PRKG1: variants seen among roughly 807,000 people sequenced by gnomAD.
PRKG1 encodes the protein cGMP-dependent protein kinase 1.
PRKG1 carries 35 observed loss-of-function variants against 88.1 expected under a neutral mutation model. The observed-to-expected ratio is 0.40, with a 90% CI of 0.30 to 0.53. The LOEUF is 0.53. Ranked by LOEUF, PRKG1 falls within the 20% of genes least tolerant of loss-of-function variation. The pLI, the probability that PRKG1 is intolerant of heterozygous loss-of-function variation, is 0.59. For synonymous variants in PRKG1, 303 were observed against 292.5 expected (o/e 1.04, Z -0.37); for missense variants, 540 against 839.8 (o/e 0.64, Z 4.41).
intron 3 of PRKG1, among the ~76,000 whole-genome samples, chr10:51,522,856 G>C (rs1008944039): frequency 1.3e-5 from 2 of 152,052 alleles, no homozygotes; most frequent in African/African-American, 4.8e-5. Flanking sequence ...TATTTACTTA[G>C]AGACTTTAAT....
intron 3 of PRKG1, among the ~76,000 whole-genome samples, chr10:51,771,266 G>A (rs539989661): frequency 2.0e-5 from 3 of 152,214 alleles, no homozygotes; most frequent in African/African-American, 7.2e-5. Context: ...TTCCGTATGC[G>A]GTCCATTGTT....
In PRKG1 at chr10:52,089,804, C is replaced by CTTTTTTTTTTTTTTTTTTTTTTT. The variant is rs397846439; in HGVS notation, c.935+27175_935+27197dup. ...GGCTTAGATTATTGTTTCTTTCCTT[C>CTTTTTTTTTTTTTTTTTTTTTTT]TTTTTTTTTTTTTTTTTTTTTTTTG... On this transcript the variant is annotated intron_variant, in intron 7 of 17. Transcript: ENST00000373980. Among the ~76,000 whole-genome samples, 69 of 67,730 alleles carry CTTTTTTTTTTTTTTTTTTTTTTT rather than the reference C, an allele frequency of 1.0e-3. 9 individuals are homozygous for CTTTTTTTTTTTTTTTTTTTTTTT. The highest frequency in any genetic ancestry group is 2.6e-3 in the East Asian group (4 of 1,564). 44.4% of individuals were successfully genotyped at this position (67,730 alleles called of 152,430 possible).
chr10:51,321,152 A>G (rs1841444459), intron 2 of PRKG1, among the ~76,000 whole-genome samples: 1 of 152,196 alleles, frequency 6.6e-6, no homozygotes, highest in African/African-American at 2.4e-5. Flanking sequence ...GGGAGACCAT[A>G]GAAATAAGTT....
At chr10:52,133,668 G>T (rs41280416) in intron 7 of PRKG1, among the ~76,000 whole-genome samples, 172 bp from the exon 8 acceptor site, 1 of 152,086 alleles carries the variant, frequency 6.6e-6, no homozygotes, top group Non-Finnish European at 1.5e-5. Flanking sequence ...TTAATGACAA[G>T]GGTAAGATGA....
chr10:51,700,276 T>C (rs2132412461), intron 3 of PRKG1, among the ~76,000 whole-genome samples: 1 of 152,342 alleles, frequency 6.6e-6, no homozygotes, highest in East Asian at 1.9e-4. Flanking sequence ...TCTAGGTTTT[T>C]CCTGAGCACA....
intron 2 of PRKG1, chr10:51,244,882 AC>A (rs1839249633): frequency 6.6e-6 from 1 of 151,654 alleles, no homozygotes. Flanking sequence ...TATCTTTTTA[AC>A]TGCAAACTTC....
chr10:51,496,920 A>G (rs1840875978), intron 3 of PRKG1, among the ~76,000 whole-genome samples: 1 of 152,220 alleles, frequency 6.6e-6, no homozygotes, highest in African/African-American at 2.4e-5. Context: ...AATTTTTGAA[A>G]TGAAATGTAA....
intron 3 of PRKG1, among the ~76,000 whole-genome samples, chr10:51,773,697 T>C (rs1838363119): frequency 6.6e-6 from 1 of 152,182 alleles, no homozygotes; most frequent in South Asian, 2.1e-4. Context: ...TACACAAATA[T>C]GCATATGTAA....
chr10:51,028,492 C>T (rs1467764489), intron 1 of PRKG1, among the ~76,000 whole-genome samples: 2 of 151,928 alleles, frequency 1.3e-5, no homozygotes, highest in Non-Finnish European at 2.9e-5. Flanking sequence ...AAAGAATGAG[C>T]TTGGCAGTCA....
At chr10:51,926,510 G>C (rs1017376320) in intron 5 of PRKG1, among the ~76,000 whole-genome samples, 3 of 152,154 alleles carry the variant, frequency 2.0e-5, no homozygotes, top group African/African-American at 4.8e-5. Flanking sequence ...GTTCTCAGCT[G>C]TCGCCACTGT....
Position 51,524,782 on chromosome 10 carries a change from C to G in PRKG1, c.592+56946C>G, listed in dbSNP as rs1244293223. Among the ~76,000 whole-genome samples the G allele has an allele frequency of 2.6e-5, 4 of 152,166 alleles. No homozygotes were observed. The East Asian group carries it at 5.8e-4, about 22-fold the overall frequency. On this transcript the variant is annotated intron_variant, in intron 3 of 17. Transcript: ENST00000373980. ...ATAAAGGAAGTGCTTTGACTATGCT[C>G]AATATACTAACACTATGTTTTCTCT...
At chr10:52,019,999 T>A (rs1845141269) in intron 5 of PRKG1, among the ~76,000 whole-genome samples, 2 of 152,148 alleles carry the variant, frequency 1.3e-5, no homozygotes, top group African/African-American at 4.8e-5. Flanking sequence ...AAAATAATAA[T>A]CTTAATATAT....
At chr10:51,086,800 G>T (rs1178508763) in intron 1 of PRKG1, among the ~76,000 whole-genome samples, 1 of 152,146 alleles carries the variant, frequency 6.6e-6, no homozygotes, top group Non-Finnish European at 1.5e-5. Context: ...TCTCATCTGA[G>T]GTTCGTCTTA....
intron 2 of PRKG1, among the ~76,000 whole-genome samples, chr10:51,169,974 C>T (rs1846657480): frequency 6.6e-6 from 1 of 151,872 alleles, no homozygotes; most frequent in African/African-American, 2.4e-5. Context: ...TTTTCCTCTG[C>T]TTGGCATACA....
At chr10:52,006,827 C>T (rs1489912052) in intron 5 of PRKG1, among the ~76,000 whole-genome samples, 1 of 152,122 alleles carries the variant, frequency 6.6e-6, no homozygotes, top group Non-Finnish European at 1.5e-5. Context: ...ATAATGATTA[C>T]ATTCTCTAAG....
At chr10:51,632,456 C>T (rs542174661) in intron 3 of PRKG1, among the ~76,000 whole-genome samples, 1 of 152,298 alleles carries the variant, frequency 6.6e-6, no homozygotes, top group Non-Finnish European at 1.5e-5. Context: ...CGTGCACACC[C>T]ATCGCAGTCA....
At chr10:51,036,667 A>G (rs1029640208) in intron 1 of PRKG1, among the ~76,000 whole-genome samples, 6 of 152,144 alleles carry the variant, frequency 3.9e-5, no homozygotes, top group Non-Finnish European at 8.8e-5. Context: ...ACCTTCATTT[A>G]CCTCTTAGGG....
chr10:51,196,027 T>C (rs1229964609), intron 2 of PRKG1, among the ~76,000 whole-genome samples: 2 of 152,102 alleles, frequency 1.3e-5, no homozygotes, highest in African/African-American at 4.8e-5. Flanking sequence ...TAAGTTCTAG[T>C]GTATACTTGA....
At chr10:51,570,101 T>C (rs1837712229) in intron 3 of PRKG1, among the ~76,000 whole-genome samples, 1 of 135,130 alleles carries the variant, frequency 7.4e-6, no homozygotes, top group African/African-American at 3.2e-5. Flanking sequence ...ATATATATGA[T>C]ATAAGGATAT....
Sources: gnomAD v4.1 joint callset for allele counts (sites outside exome capture counted in the v4.1 genomes callset) on GRCh38, gnomAD v4.1.1 for gene constraint, MANE v1.5 for transcripts, NCBI Gene and HGNC (gene_info 2026-07-23, HGNC 2026-07-21) for gene names.